The following QTMAN variants were observed in gnomAD, a reference collection of about 807,000 sequenced individuals.
The protein encoded by QTMAN is queuosine-tRNA mannosyltransferase, also known as tRNA-queuosine alpha-mannosyltransferase.
chr2:144,157,594 C>A, the QTMAN span, among the ~76,000 whole-genome samples: 1 of 151,886 alleles, frequency 6.6e-6, no homozygotes, highest in East Asian at 1.9e-4. Flanking sequence ...AAAACACTTG[C>A]GATGGCTATT....
At chr2:144,202,928 CA>C in the QTMAN span, among the ~76,000 whole-genome samples, 3 of 152,176 alleles carry the variant, frequency 2.0e-5, no homozygotes, top group African/African-American at 4.8e-5. Context: ...AGTGGTTTCA[CA>C]GTGCATGCTA....
chr2:144,122,786 C>A, the QTMAN span, among the ~76,000 whole-genome samples: 1 of 152,166 alleles, frequency 6.6e-6, no homozygotes, highest in African/African-American at 2.4e-5. Flanking sequence ...ATTGATATCT[C>A]AGTTCTATTA....
the QTMAN span, among the ~76,000 whole-genome samples, chr2:144,308,913 T>C: frequency 5.9e-5 from 9 of 152,214 alleles, no homozygotes; most frequent in Admixed American, 1.3e-4. Context: ...TAAAGAACTA[T>C]TGTAACTGAA....
At chr2:144,050,355 G>A in the QTMAN span, among the ~76,000 whole-genome samples, 1 of 152,028 alleles carries the variant, frequency 6.6e-6, no homozygotes, top group South Asian at 2.1e-4. Flanking sequence ...TTGGCTCCAG[G>A]GAAAAATGAA....
the QTMAN span, among the ~76,000 whole-genome samples, chr2:143,967,839 C>T: frequency 6.6e-6 from 1 of 152,118 alleles, no homozygotes; most frequent in African/African-American, 2.4e-5. Flanking sequence ...CACTACCTAG[C>T]TGAGTGGCCT....
At chr2:144,042,158 T>A in the QTMAN span, among the ~76,000 whole-genome samples, 4 of 152,106 alleles carry the variant, frequency 2.6e-5, no homozygotes, top group Non-Finnish European at 5.9e-5. Flanking sequence ...ATGATTGATA[T>A]TTAACTTTAA....
the QTMAN span, among the ~76,000 whole-genome samples, chr2:144,235,497 G>C: frequency 6.6e-6 from 1 of 152,104 alleles, no homozygotes; most frequent in Non-Finnish European, 1.5e-5. Context: ...GAAGAAATCT[G>C]ACTTTAAGCA....
the QTMAN span, among the ~76,000 whole-genome samples, chr2:144,123,969 C>T: frequency 1.2e-4 from 18 of 151,994 alleles, no homozygotes; most frequent in African/African-American, 4.3e-4. Context: ...TACAGGAATT[C>T]CCTCTAAACA....
chr2:144,133,133 A>ATATATATATATATATAATATAATAT, the QTMAN span, among the ~76,000 whole-genome samples: 1 of 44,518 alleles, frequency 2.2e-5, no homozygotes, highest in Middle Eastern at 6.5e-3. Flanking sequence ...ATATATATAT[A>ATATATATATATATATAATATAATAT]TATATATATA....
chr2:144,041,540 T>G, the QTMAN span, among the ~76,000 whole-genome samples: 3 of 152,190 alleles, frequency 2.0e-5, no homozygotes, highest in South Asian at 4.1e-4. Context: ...TAATTATAGT[T>G]AATCATAATA....
the QTMAN span, among the ~76,000 whole-genome samples, chr2:143,960,839 T>A: frequency 6.6e-6 from 1 of 151,872 alleles, no homozygotes; most frequent in Non-Finnish European, 1.5e-5. Flanking sequence ...GAAAACAAAG[T>A]GTATTGAAAA....
chr2:144,007,390 C>A, the QTMAN span: 1 of 1,613,218 alleles, frequency 6.2e-7, no homozygotes, highest in South Asian at 1.1e-5. Context: ...CAGTGTGTAT[C>A]ACACTCTGAA....
the QTMAN span, among the ~76,000 whole-genome samples, chr2:144,300,427 C>G: frequency 6.6e-6 from 1 of 152,134 alleles, no homozygotes; most frequent in African/African-American, 2.4e-5. Flanking sequence ...CCTAAATACA[C>G]AGCCCAAAGA....
At chr2:144,282,604 AGAAATAAACAGTTAAAAACT>A in the QTMAN span, among the ~76,000 whole-genome samples, 5 of 152,118 alleles carry the variant, frequency 3.3e-5, no homozygotes, top group African/African-American at 1.2e-4. Context: ...GTTCTATTTA[AGAAATAAACAGTTAAAAACT>A]GAACTAAACA....
At chr2:143,985,472 T>A in the QTMAN span, among the ~76,000 whole-genome samples, 2 of 152,262 alleles carry the variant, frequency 1.3e-5, no homozygotes, top group South Asian at 4.1e-4. Context: ...GAAATAATTT[T>A]CTTTTGACTA....
chr2:143,999,621 C>G, the QTMAN span, among the ~76,000 whole-genome samples: 1 of 152,002 alleles, frequency 6.6e-6, no homozygotes, highest in Non-Finnish European at 1.5e-5. Context: ...ATCCATTCAT[C>G]CCTCCATCCA....
chr2:144,307,901 C>T, the QTMAN span, among the ~76,000 whole-genome samples: 1 of 152,116 alleles, frequency 6.6e-6, no homozygotes, highest in Non-Finnish European at 1.5e-5. Context: ...TGTTAATGCT[C>T]CCCAACCAAT....
At chr2:143,981,398 A>G in the QTMAN span, among the ~76,000 whole-genome samples, 1 of 152,212 alleles carries the variant, frequency 6.6e-6, no homozygotes, top group Non-Finnish European at 1.5e-5. Flanking sequence ...GCCGTTCATC[A>G]AAATGCATTT....
At chr2:144,059,638 C>T in the QTMAN span, among the ~76,000 whole-genome samples, 86 of 152,292 alleles carry the variant, frequency 5.6e-4, no homozygotes, top group African/African-American at 2.0e-3. Context: ...TGCCTCACCC[C>T]TATCCAACCC....
Sources: allele counts gnomAD v4.1 joint callset (sites outside exome capture counted in the v4.1 genomes callset), GRCh38; gene constraint gnomAD v4.1.1; transcripts MANE v1.5; gene names NCBI Gene and HGNC (gene_info 2026-07-23, HGNC 2026-07-21).